NLRP5: variants seen among roughly 807,000 people sequenced by gnomAD.
The protein encoded by NLRP5 is NLR family pyrin domain containing 5.
Under a neutral mutation model 113.1 loss-of-function variants are expected in NLRP5, and 93 were observed. The ratio of observed to expected loss-of-function variants is 0.82; its 90% CI spans 0.70 to 0.98. The LOEUF (loss-of-function observed/expected upper bound fraction) is 0.98. Among genes scored for constraint, NLRP5 ranks in the 50% least tolerant of loss-of-function variants. NLRP5 has a pLI of 0.00. For synonymous variants in NLRP5, 751 were observed against 600.7 expected (o/e 1.25, Z -3.66); for missense variants, 1,808 against 1,514.3 (o/e 1.19, Z -3.22).
chr19:56,054,514 C>T (rs1210376898), intron 13 of NLRP5, among the ~76,000 whole-genome samples: 3 of 150,438 alleles, frequency 2.0e-5, no homozygotes, highest in Non-Finnish European at 4.4e-5. Flanking sequence ...GCCGAGACCA[C>T]ACCACTGCAC....
chr19:56,058,294 T>A lies in NLRP5; in HGVS notation c.3354T>A (p.Leu1118=). The change falls in exon 14 of 15, where the codon CTT becomes CTA. Residue 1118 remains leucine, a synonymous_variant. Transcript: ENST00000390649. ...GCTGTGAGGCACTCTCCTTGGCCCT[T>A]TCCTGCAACCGGCATCTGACCAGTC... The A allele has an allele frequency of 6.2e-7, 1 of 1,613,984 alleles. No homozygotes were observed. The highest frequency in any genetic ancestry group is 1.3e-5 in the African/African-American group (1 of 75,046).
upstream of NLRP5, among the ~76,000 whole-genome samples, chr19:55,997,068 G>A (rs1048485259): frequency 1.3e-5 from 2 of 152,096 alleles, no homozygotes; most frequent in African/African-American, 4.8e-5. Flanking sequence ...GTTTTGATTT[G>A]CATTTCTCTG....
chr19:56,023,024 C>G (rs548751356), intron 6 of NLRP5, among the ~76,000 whole-genome samples: 1 of 152,170 alleles, frequency 6.6e-6, no homozygotes, highest in Non-Finnish European at 1.5e-5. Context: ...CTGCACCCAG[C>G]GAGACAAAAG....
chr19:56,048,980 T>A (rs10420109), intron 11 of NLRP5, among the ~76,000 whole-genome samples: 1,193 of 7,172 alleles, frequency 0.17, 19 homozygotes, highest in Admixed American at 0.27. Context: ...TTTTTTTTAA[T>A]TTTTTTTTTT....
At position 56,004,084 on chromosome 19, in the gene NLRP5, A is replaced by T. The variant is rs1434782022; in HGVS notation, c.431A>T (p.Asp144Val). The stretch of plus-strand genomic sequence containing the variant: ...CGAACCCTCTCGGAGAAGGCACGGG[A>T]TGACATGAAAAGTAAGCGAGACTTG... The change falls in exon 2 of 15, where the codon GAT becomes GTT. Residue 144 changes from aspartate to valine, a missense_variant. Transcript: ENST00000390649. 2 of 1,606,124 alleles carry T rather than the reference A, an allele frequency of 1.2e-6. No individual in the cohort carries two copies. The highest frequency in any genetic ancestry group is 1.7e-6 in the Non-Finnish European group (2 of 1,175,532).
chr19:55,991,973 T>C, the NLRP5 span, among the ~76,000 whole-genome samples: 1 of 152,146 alleles, frequency 6.6e-6, no homozygotes, highest in Non-Finnish European at 1.5e-5. Context: ...ACCCAGGTTA[T>C]TAAGCCCAGT....
intron 5 of NLRP5, among the ~76,000 whole-genome samples, chr19:56,020,112 A>G (rs574543993): frequency 3.3e-5 from 5 of 152,020 alleles, no homozygotes; most frequent in Middle Eastern, 3.4e-3. Context: ...GATTACAGGC[A>G]TGAGCCACCA....
At position 56,033,709 on chromosome 19, in the gene NLRP5, G is replaced by A. The variant is rs768443657; in HGVS notation, c.2615G>A (p.Arg872Lys). The change falls in exon 9 of 15, where the codon AGG becomes AAG. Residue 872 changes from arginine to lysine, a missense_variant and splice_region_variant. Coordinates refer to ENST00000390649, the MANE Select transcript of NLRP5 (RefSeq NM_153447.4). The stretch of plus-strand genomic sequence containing the variant: ...CCAAAATGTTTGTTGGAGTCTTTGA[G>A]GTACGTCTCTGGTAGAGCTTTTGCC... 6.8e-6 allele frequency: 11 copies of A among 1,610,886 alleles called. No homozygotes were observed. Among genetic ancestry groups the A allele is most frequent in the South Asian group, 1.1e-5 (1 of 90,618 alleles).
chr19:56,051,391 C>G (rs1458863383), intron 12 of NLRP5, among the ~76,000 whole-genome samples: 2 of 152,226 alleles, frequency 1.3e-5, no homozygotes, highest in African/African-American at 4.8e-5. Context: ...CGGAGTTTCA[C>G]CATGTCGGCC....
At chr19:56,006,881 A>AG (rs1981937330) in intron 2 of NLRP5, among the ~76,000 whole-genome samples, 1 of 151,450 alleles carries the variant, frequency 6.6e-6, no homozygotes, top group South Asian at 2.1e-4. Context: ...CTGAGACTAC[A>AG]GGTGCCCGCC....
At chr19:56,049,236 A>G (rs1421886538) in intron 11 of NLRP5, among the ~76,000 whole-genome samples, 1 of 150,426 alleles carries the variant, frequency 6.6e-6, no homozygotes, top group African/African-American at 2.5e-5. Flanking sequence ...CTGGAGTGCA[A>G]TGGTGCAATC....
chr19:56,046,032 A>G (rs1451754798), intron 11 of NLRP5, among the ~76,000 whole-genome samples: 1 of 152,146 alleles, frequency 6.6e-6, no homozygotes, highest in Non-Finnish European at 1.5e-5. Context: ...GTCTTATTCC[A>G]GTTCTCAAAG....
chr19:56,008,551 C>T (rs959676251), intron 2 of NLRP5, among the ~76,000 whole-genome samples: 3 of 152,142 alleles, frequency 2.0e-5, no homozygotes, highest in Admixed American at 1.3e-4. Flanking sequence ...TACCCAAGGC[C>T]ATCCAGCAAA....
At chr19:56,001,714 T>C (rs1014782322) in intron 1 of NLRP5, among the ~76,000 whole-genome samples, 7 of 152,146 alleles carry the variant, frequency 4.6e-5, no homozygotes, top group Admixed American at 4.6e-4. Flanking sequence ...GGAGGTGACA[T>C]GACAAGACTT....
intron 9 of NLRP5, among the ~76,000 whole-genome samples, chr19:56,034,451 T>C (rs1366153130): frequency 6.6e-6 from 1 of 152,200 alleles, no homozygotes; most frequent in Non-Finnish European, 1.5e-5. Context: ...TATCGCATAA[T>C]ATCAAAACTG....
intron 6 of NLRP5, among the ~76,000 whole-genome samples, chr19:56,021,727 A>T (rs1982624537): frequency 6.6e-6 from 1 of 152,056 alleles, no homozygotes; most frequent in Non-Finnish European, 1.5e-5. Context: ...AGTTCATGGG[A>T]ATTTGGCTTT....
intron 7 of NLRP5, among the ~76,000 whole-genome samples, chr19:56,031,410 C>G (rs1160922486): frequency 1.3e-5 from 2 of 151,936 alleles, no homozygotes; most frequent in East Asian, 3.9e-4. Context: ...GGGTGGATCA[C>G]TTGAGGTCAG....
chr19:56,012,466 C>T (rs868348166), intron 3 of NLRP5, among the ~76,000 whole-genome samples: 4 of 125,044 alleles, frequency 3.2e-5, no homozygotes, highest in Admixed American at 8.5e-5. Flanking sequence ...TTTTTTTTTT[C>T]CGGATAACTC....
chr19:55,996,914 GACTTCCACAAT>G (rs1981343477), upstream of NLRP5, among the ~76,000 whole-genome samples: 4 of 152,188 alleles, frequency 2.6e-5, no homozygotes, highest in Admixed American at 2.6e-4. Flanking sequence ...TCGCCACACT[GACTTCCACAAT>G]GGTTGAACTA....
Sources: allele counts gnomAD v4.1 joint callset (sites outside exome capture counted in the v4.1 genomes callset), GRCh38; gene constraint gnomAD v4.1.1; transcripts MANE v1.5; gene names NCBI Gene and HGNC (gene_info 2026-07-23, HGNC 2026-07-21).